The following TSHZ2 variants were observed in gnomAD, a reference collection of about 807,000 sequenced individuals.
TSHZ2 encodes teashirt homolog 2.
TSHZ2 carries 21 observed loss-of-function variants against 74.4 expected under a neutral mutation model. The observed-to-expected ratio is 0.28, with a 90% CI of 0.20 to 0.41. The LOEUF (loss-of-function observed/expected upper bound fraction) is 0.41, where lower values mean the gene tolerates loss of function less well. Among genes scored for constraint, TSHZ2 ranks in the 10% least tolerant of loss-of-function variants. The pLI, the probability that TSHZ2 is intolerant of heterozygous loss-of-function variation, is 1.00. For synonymous variants in TSHZ2, 540 were observed against 515.3 expected, an observed-to-expected ratio of 1.05 and a Z score of -0.65; for missense variants, 1,244 against 1,293.5, an observed-to-expected ratio of 0.96 and a Z score of 0.59.
chr20:53,025,351 A>G (rs1017345736), intron 1 of TSHZ2, among the ~76,000 whole-genome samples: 2 of 152,008 alleles, frequency 1.3e-5, no homozygotes, highest in Non-Finnish European at 1.5e-5. Context: ...CTGGTTGTCA[A>G]TTATTATTAT....
intron 2 of TSHZ2, among the ~76,000 whole-genome samples, chr20:53,456,280 G>A (rs1415664564): frequency 6.6e-6 from 1 of 150,888 alleles, no homozygotes; most frequent in Non-Finnish European, 1.5e-5. Context: ...GTATCTCATT[G>A]TGGTTTTGAT....
intron 1 of TSHZ2, among the ~76,000 whole-genome samples, chr20:53,094,569 C>T (rs1985982097): frequency 6.6e-6 from 1 of 152,142 alleles, no homozygotes; most frequent in African/African-American, 2.4e-5. Flanking sequence ...CAAATTTACC[C>T]AATGGTAAAC....
intron 1 of TSHZ2, among the ~76,000 whole-genome samples, chr20:52,976,589 G>C (rs1352821111): frequency 6.6e-6 from 1 of 152,204 alleles, no homozygotes; most frequent in Admixed American, 6.5e-5. Context: ...TTTGCATTTT[G>C]CAGGATGCAG....
At chr20:53,381,423 C>T (rs1981856360) in intron 2 of TSHZ2, among the ~76,000 whole-genome samples, 2 of 152,150 alleles carry the variant, frequency 1.3e-5, no homozygotes, top group Admixed American at 6.5e-5. Flanking sequence ...CTTCATTCAA[C>T]GAAAATAAAT....
At chr20:53,482,141 A>C in intron 2 of TSHZ2, among the ~76,000 whole-genome samples, 1 of 148,854 alleles carries the variant, frequency 6.7e-6, no homozygotes, top group Non-Finnish European at 1.5e-5. Flanking sequence ...AAAAGTAACT[A>C]TACTCAGATA....
At chr20:53,433,919 A>G (rs965273189) in intron 2 of TSHZ2, among the ~76,000 whole-genome samples, 1 of 152,192 alleles carries the variant, frequency 6.6e-6, no homozygotes, top group East Asian at 1.9e-4. Context: ...CCCAGGCTGG[A>G]GTGCAGTGGT....
chr20:53,103,027 TTTAA>T (rs1986262832), intron 1 of TSHZ2, among the ~76,000 whole-genome samples: 4 of 152,314 alleles, frequency 2.6e-5, no homozygotes, highest in South Asian at 2.1e-4. Context: ...AGTAAAATTG[TTTAA>T]TTGACTGTTT....
At chr20:52,979,841 A>C (rs978594940) in intron 1 of TSHZ2, among the ~76,000 whole-genome samples, 2 of 152,230 alleles carry the variant, frequency 1.3e-5, no homozygotes, top group African/African-American at 4.8e-5. Context: ...TTAGCTATGC[A>C]TAACAACAGG....
Position 53,015,798 on chromosome 20 carries a change from G to A in TSHZ2, c.40+42465G>A, listed in dbSNP as rs149262423. 1.6e-3 allele frequency among the ~76,000 whole-genome samples: 242 copies of A among 152,266 alleles called. 1 individual carries two copies. Among genetic ancestry groups the A allele is most frequent in the African/African-American group, 5.4e-3 (225 of 41,546 alleles). ...TGATCATGCTGCTGGGACAGGATGGGAGGGTGAGAAGTGGGGGAAAGGGGT... is the reference window on the plus strand; with the variant it reads ...TGATCATGCTGCTGGGACAGGATGGAAGGGTGAGAAGTGGGGGAAAGGGGT... On this transcript the variant is annotated intron_variant, in intron 1 of 2. Coordinates refer to ENST00000371497, the MANE Select transcript of TSHZ2 (RefSeq NM_173485.6).
chr20:52,993,495 C>A (rs1982066032), intron 1 of TSHZ2, among the ~76,000 whole-genome samples: 3 of 152,162 alleles, frequency 2.0e-5, no homozygotes, highest in Admixed American at 2.0e-4. Context: ...CCCCTGGGCG[C>A]CCCTCCACAA....
At chr20:53,092,379 G>A (rs1985909964) in intron 1 of TSHZ2, among the ~76,000 whole-genome samples, 1 of 152,080 alleles carries the variant, frequency 6.6e-6, no homozygotes, top group Admixed American at 6.6e-5. Context: ...ACCAGATGAT[G>A]TTTTATCAGT....
chr20:53,111,311 T>C (rs1568764347), intron 1 of TSHZ2, among the ~76,000 whole-genome samples: 1 of 152,188 alleles, frequency 6.6e-6, no homozygotes, highest in Non-Finnish European at 1.5e-5. Flanking sequence ...AGAAGAACAA[T>C]TCATCACTGA....
In TSHZ2 at chr20:53,488,169, G is replaced by A. The variant is rs903015487; in HGVS notation, c.*1034G>A. 5 of 152,100 alleles carry A rather than the reference G, an allele frequency of 3.3e-5. No homozygotes were observed. The highest frequency in any genetic ancestry group is 1.2e-4 in the African/African-American group (5 of 41,422). 9.4% of individuals were successfully genotyped at this position (152,100 alleles called of 1,614,324 possible). A position where few individuals can be genotyped will look rare whatever the true frequency, so the allele number is the denominator to read the frequency against. The stretch of plus-strand genomic sequence containing the variant: ...CTGCAACTTTTTTCATTAAAACTTT[G>A]AGGGCCCAATTTTAATTTGTGGAAT... On this transcript the variant is annotated 3_prime_UTR_variant, in exon 3 of 3. Coordinates refer to ENST00000371497, the MANE Select transcript of TSHZ2 (RefSeq NM_173485.6).
At chr20:53,206,993 T>G (rs1380134384) in intron 1 of TSHZ2, among the ~76,000 whole-genome samples, 1 of 152,242 alleles carries the variant, frequency 6.6e-6, no homozygotes, top group Non-Finnish European at 1.5e-5. Context: ...CATTTCAGTT[T>G]GCGGTGCCTT....
At chr20:53,061,944 A>G (rs1009946506) in intron 1 of TSHZ2, among the ~76,000 whole-genome samples, 1 of 152,182 alleles carries the variant, frequency 6.6e-6, no homozygotes, top group African/African-American at 2.4e-5. Context: ...TATAGATTGC[A>G]TCATTTTTTC....
intron 2 of TSHZ2, among the ~76,000 whole-genome samples, chr20:53,342,955 CT>C (rs1175907478): frequency 0.08 from 4,911 of 61,132 alleles, 19 homozygotes; most frequent in Non-Finnish European, 0.1. Context: ...CTTTTCTTTT[CT>C]TTTTTTTTTT....
intron 2 of TSHZ2, among the ~76,000 whole-genome samples, chr20:53,335,140 C>T (rs1979893649): frequency 6.6e-6 from 1 of 152,174 alleles, no homozygotes; most frequent in African/African-American, 2.4e-5. Flanking sequence ...AAGCAAGCAG[C>T]GTCAGCATCG....
At chr20:53,031,619 GA>G (rs1276522571) in intron 1 of TSHZ2, among the ~76,000 whole-genome samples, 1 of 152,316 alleles carries the variant, frequency 6.6e-6, no homozygotes, top group South Asian at 2.1e-4. Flanking sequence ...GGCAAGGGTG[GA>G]AAAGTGTATA....
intron 2 of TSHZ2, among the ~76,000 whole-genome samples, chr20:53,273,646 A>T (rs555391560): frequency 6.6e-6 from 1 of 152,186 alleles, no homozygotes; most frequent in African/African-American, 2.4e-5. Flanking sequence ...CAAGAGGGTC[A>T]GGAGTGAAAG....
Sources: allele counts gnomAD v4.1 joint callset (sites outside exome capture counted in the v4.1 genomes callset), GRCh38; gene constraint gnomAD v4.1.1; transcripts MANE v1.5; gene names NCBI Gene and HGNC (gene_info 2026-07-23, HGNC 2026-07-21).